SMARCA1: variants seen among roughly 807,000 people sequenced by gnomAD.
SMARCA1 encodes SWI/SNF-related matrix-associated actin-dependent regulator of chromatin subfamily A member 1.
In SMARCA1, 17 loss-of-function variants were observed where a neutral mutation model predicts 93.6. That is an observed-to-expected ratio of 0.18 (90% CI 0.12 to 0.27). The LOEUF (loss-of-function observed/expected upper bound fraction) is 0.27, where lower values mean the gene tolerates loss of function less well. Among genes scored for constraint, SMARCA1 ranks in the 10% least tolerant of loss-of-function variants. SMARCA1 has a pLI of 1.00. For missense variants in SMARCA1, 630 were observed against 819.0 expected (o/e 0.77, Z 2.82); for synonymous variants, 271 against 271.4 (o/e 1.00, Z 0.01).
At chrX:129,452,808 T>C (rs138340208) in intron 23 of SMARCA1, among the ~76,000 whole-genome samples, 2,196 of 112,353 alleles carry the variant, frequency 0.02, 50 homozygotes, top group African/African-American at 0.067. Flanking sequence ...TTCATAGATA[T>C]TGTGCTTTTA....
chrX:129,510,844 A>G (rs764152080), intron 6 of SMARCA1, among the ~76,000 whole-genome samples: 2 of 111,811 alleles, frequency 1.8e-5, no homozygotes, highest in East Asian at 5.6e-4. Flanking sequence ...AGGCATAGGG[A>G]AGAATCTGGC....
chrX:129,504,954 C>A, intron 8 of SMARCA1, 152 bp from the exon 9 acceptor site: 1 of 408,632 alleles, frequency 2.4e-6, no homozygotes, highest in Non-Finnish European at 4.2e-6. Flanking sequence ...TTATTTACTT[C>A]TGAAAATAGG....
chrX:129,516,273 C>A, intron 3 of SMARCA1, 58 bp downstream of exon 3: 1 of 1,082,306 alleles, frequency 9.2e-7, no homozygotes, highest in Non-Finnish European at 1.3e-6. Context: ...CAAGGGAGGA[C>A]AGGAGGAAGA....
At chrX:129,479,086 G>A (rs2124238341) in intron 19 of SMARCA1, among the ~76,000 whole-genome samples, 1 of 111,829 alleles carries the variant, frequency 8.9e-6, no homozygotes, top group African/African-American at 3.2e-5. Context: ...AGGAATCAAC[G>A]ACCTCAGTAT....
At chrX:129,469,657 C>G (rs2124206629) in intron 20 of SMARCA1, among the ~76,000 whole-genome samples, 1 of 112,037 alleles carries the variant, frequency 8.9e-6, no homozygotes, top group Non-Finnish European at 1.9e-5. Flanking sequence ...CATTTTGTTC[C>G]TACGTACTGC....
rs1434550470 is a variant in SMARCA1 at position 129,447,140 on chromosome X, T to C, written c.*22A>G. 83 of 1,129,568 alleles carry C rather than the reference T, an allele frequency of 7.3e-5. No homozygotes were observed. The highest frequency in any genetic ancestry group is 4.0e-5 in the South Asian group (2 of 50,314). The allele number at this position is 1,129,568 out of a possible 1,213,427, so 93.1% of individuals were successfully genotyped here. A position where few individuals can be genotyped will look rare whatever the true frequency, so the allele number is the denominator to read the frequency against. On this transcript the variant is annotated 3_prime_UTR_variant, in exon 25 of 25. Transcript: ENST00000371121. The stretch of plus-strand genomic sequence containing the variant: ...GGAACAAGAAAATAGCAGTTTCCCA[T>C]TTAAAACTTTATTTCTAGGCTTTAG...
chrX:129,452,008 T>A (rs1378206662), intron 23 of SMARCA1, among the ~76,000 whole-genome samples: 1 of 111,972 alleles, frequency 8.9e-6, no homozygotes, highest in Non-Finnish European at 1.9e-5. Flanking sequence ...CAGCCTCCAT[T>A]TTTTTATTCT....
intron 19 of SMARCA1, among the ~76,000 whole-genome samples, chrX:129,479,248 T>C (rs755586891): frequency 1.8e-5 from 2 of 112,155 alleles, no homozygotes; most frequent in South Asian, 3.7e-4. Flanking sequence ...CAAATTATTA[T>C]AAACCTTAAT....
At chrX:129,473,815 T>C in intron 19 of SMARCA1, among the ~76,000 whole-genome samples, 1 of 112,254 alleles carries the variant, frequency 8.9e-6, no homozygotes. Context: ...ATATGGTCAC[T>C]GGGAAAAGGC....
rs770453964 is a variant in SMARCA1 at position 129,452,911 on chromosome X, T to G, written c.3031-4468A>C. On this transcript the variant is annotated intron_variant, in intron 23 of 24. Coordinates refer to ENST00000371121, the MANE Select transcript of SMARCA1 (RefSeq NM_001282874.2). ...GTTTACTTCATGTCTCTGTGTCACA[T>G]GTTGGTAATTCTCACAATATTTCAA... 6.2e-5 allele frequency among the ~76,000 whole-genome samples: 7 copies of G among 112,393 alleles called. No individual in the cohort carries two copies. In the East Asian group the frequency reaches 1.9e-3, roughly 31 times the overall value.
chrX:129,523,303 A>T lies in SMARCA1; in HGVS notation c.68T>A (p.Val23Asp). The change falls in exon 1 of 25, where the codon GTC (valine) becomes GAC (aspartate). Residue 23 changes from valine to aspartate, a missense_variant. Physicochemically the swap from Val to Asp is radical, Grantham distance 152. This residue lies in a region of SMARCA1 where 103 missense variants were observed against 82.0 expected (regional missense o/e 1.26). Coordinates refer to ENST00000371121, the MANE Select transcript of SMARCA1 (RefSeq NM_001282874.2). ...AAADATATIV[V>D]IEDEQPGPST... ...CGGCCCGGGCTGCTCGTCCTCTATG[A>T]CCACGATAGTGGCGGTCGCATCCGC... The T allele has an allele frequency of 8.3e-7, 1 of 1,207,030 alleles. No individual in the cohort carries two copies. The highest frequency in any genetic ancestry group is 1.8e-5 in the South Asian group (1 of 56,750).
At chrX:129,515,351 T>G (rs1935158969) in intron 5 of SMARCA1, among the ~76,000 whole-genome samples, 1 of 109,684 alleles carries the variant, frequency 9.1e-6, no homozygotes, top group Non-Finnish European at 1.9e-5. Flanking sequence ...TGGCGAGACC[T>G]GTCTCTACTA....
chrX:129,519,026 T>A (rs1004126407), intron 1 of SMARCA1, among the ~76,000 whole-genome samples: 1 of 112,210 alleles, frequency 8.9e-6, no homozygotes, highest in Non-Finnish European at 1.9e-5. Flanking sequence ...TTTAAACTTT[T>A]GGCTTATGTT....
At position 129,523,451 on chromosome X, in the gene SMARCA1, G is replaced by A; in HGVS notation, c.-81C>T. The A allele has an allele frequency of 4.9e-6, 4 of 812,245 alleles. No homozygotes were observed. The highest frequency in any genetic ancestry group is 6.9e-6 in the Non-Finnish European group (4 of 580,495). The allele number at this position is 812,245 out of a possible 1,213,427, so 66.9% of individuals were successfully genotyped here. On this transcript the variant is annotated 5_prime_UTR_variant, in exon 1 of 25. Coordinates refer to ENST00000371121, the MANE Select transcript of SMARCA1 (RefSeq NM_001282874.2). Reference sequence around the variant, plus strand: ...GGCGGCAGTGGCTGCACTGGAAAGAGCTAGATGGAGCAGGGGTGGGGAATC... The same window carrying A: ...GGCGGCAGTGGCTGCACTGGAAAGAACTAGATGGAGCAGGGGTGGGGAATC...
At chrX:129,486,935 T>C in intron 17 of SMARCA1, 83 bp downstream of exon 17, 1 of 756,546 alleles carries the variant, frequency 1.3e-6, no homozygotes, top group Non-Finnish European at 1.9e-6. Context: ...GGTATTATAA[T>C]AGGTAAGTGC....
Position 129,468,832 on chromosome X carries a change from A to G in SMARCA1, c.2639T>C (p.Ile880Thr), listed in dbSNP as rs1164674474. 1 of 1,177,870 alleles carries G rather than the reference A, an allele frequency of 8.5e-7. No individual in the cohort carries two copies. Among genetic ancestry groups the G allele is most frequent in the Non-Finnish European group, 1.2e-6 (1 of 866,785 alleles). The change falls in exon 21 of 25, where the codon ATT becomes ACT. Residue 880 changes from isoleucine to threonine, a missense_variant. Ile to Thr is a moderately conservative substitution (Grantham distance 89, BLOSUM62 -1). Coordinates refer to ENST00000371121, the MANE Select transcript of SMARCA1 (RefSeq NM_001282874.2). ...CTCTACCTCTCGAGCTATGTTATCA[A>G]TGTCATCTCTTCCATATTTCTCATT... ...KANEKYGRDDIDNIAREVEGK... is the reference protein window; with the variant it reads ...KANEKYGRDDTDNIAREVEGK...
At chrX:129,495,617 T>G (rs1263254851) in intron 12 of SMARCA1, among the ~76,000 whole-genome samples, 1 of 111,181 alleles carries the variant, frequency 9.0e-6, no homozygotes, top group Non-Finnish European at 1.9e-5. Flanking sequence ...CAAGCAATCC[T>G]CCTGCCTCAG....
At chrX:129,457,826 C>A (rs1932701125) in intron 23 of SMARCA1, among the ~76,000 whole-genome samples, 1 of 111,967 alleles carries the variant, frequency 8.9e-6, no homozygotes, top group Admixed American at 9.5e-5. Context: ...ATATGACAAT[C>A]TTTCACATGT....
At chrX:129,519,383 T>A (rs1245665930) in intron 1 of SMARCA1, among the ~76,000 whole-genome samples, 1 of 112,143 alleles carries the variant, frequency 8.9e-6, no homozygotes, top group Non-Finnish European at 1.9e-5. Flanking sequence ...ATACTTTGCA[T>A]AAGAGAAAAC....
Sources: allele counts gnomAD v4.1 joint callset (sites outside exome capture counted in the v4.1 genomes callset), GRCh38; gene constraint gnomAD v4.1.1; regional missense constraint gnomAD v4.1.1; transcripts MANE v1.5; gene names NCBI Gene and HGNC (gene_info 2026-07-23, HGNC 2026-07-21).